SEPTIN2: variants seen among roughly 807,000 people sequenced by gnomAD.
The protein encoded by SEPTIN2 is septin-2.
In SEPTIN2, 34 loss-of-function variants were observed where a neutral mutation model predicts 46.5. That is an observed-to-expected ratio of 0.73 (90% CI 0.56 to 0.97). The LOEUF is 0.97. Among genes scored for constraint, SEPTIN2 ranks in the 50% least tolerant of loss-of-function variants. The probability of loss-of-function intolerance (pLI) is 0.00; values close to 1 mark genes in which losing one functional copy is unlikely to be tolerated. For missense variants in SEPTIN2, 347 were observed against 448.4 expected, an observed-to-expected ratio of 0.77 and a Z score of 2.04; for synonymous variants, 175 against 153.4, an observed-to-expected ratio of 1.14 and a Z score of -1.04.
chr2:241,318,788 C>T (rs1324482822), intron 1 of SEPTIN2, among the ~76,000 whole-genome samples: 3 of 151,638 alleles, frequency 2.0e-5, no homozygotes, highest in Non-Finnish European at 2.9e-5. Context: ...GCACCCTCCA[C>T]CTCCCGGGTT....
At chr2:241,324,368 AAG>A in intron 2 of SEPTIN2, 127 bp downstream of exon 2, 1 of 782,978 alleles carries the variant, frequency 1.3e-6, no homozygotes. Context: ...CATTAACACA[AAG>A]AGTTCTAATT....
intron 3 of SEPTIN2, among the ~76,000 whole-genome samples, chr2:241,328,993 C>T (rs2078499692): frequency 6.6e-6 from 1 of 151,984 alleles, no homozygotes; most frequent in Non-Finnish European, 1.5e-5. Flanking sequence ...GCACTCCAGC[C>T]TGGGCAACAA....
rs1258811903 is a variant in SEPTIN2 at position 241,353,880 on chromosome 2, A to T, written c.*1943A>T. 6.5e-6 allele frequency: 1 copy of T among 153,048 alleles called. No individual in the cohort carries two copies. The highest frequency in any genetic ancestry group is 1.9e-4 in the East Asian group (1 of 5,190). 9.5% of individuals were successfully genotyped at this position (153,048 alleles called of 1,614,324 possible). ...GGTTTTACTACCCAAATCTAAATAG[A>T]TACTTTTGATAATAGATAACTGCTC... On this transcript the variant is annotated 3_prime_UTR_variant, in exon 13 of 13. Coordinates refer to ENST00000391971, the MANE Select transcript of SEPTIN2 (RefSeq NM_004404.5).
chr2:241,334,356 T>G (rs2079548907), intron 3 of SEPTIN2, among the ~76,000 whole-genome samples: 1 of 152,232 alleles, frequency 6.6e-6, no homozygotes, highest in Non-Finnish European at 1.5e-5. Flanking sequence ...TTGTGCTTCC[T>G]TCAAATGTAA....
At chr2:241,320,550 T>C (rs904824773) in intron 1 of SEPTIN2, among the ~76,000 whole-genome samples, 1 of 152,190 alleles carries the variant, frequency 6.6e-6, no homozygotes, top group Non-Finnish European at 1.5e-5. Flanking sequence ...TCCCAGCACT[T>C]TGGGAAACCA....
intron 1 of SEPTIN2, among the ~76,000 whole-genome samples, chr2:241,319,203 A>C (rs1454383551): frequency 6.6e-6 from 1 of 152,256 alleles, no homozygotes; most frequent in Non-Finnish European, 1.5e-5. Flanking sequence ...ATTTGATTGC[A>C]TTAAAGAACT....
At chr2:241,351,055 G>C (rs1311881153) in intron 12 of SEPTIN2, among the ~76,000 whole-genome samples, 3 of 152,222 alleles carry the variant, frequency 2.0e-5, no homozygotes, top group African/African-American at 7.2e-5. Context: ...ATCTGAGGAT[G>C]AAACGCTGGG....
chr2:241,335,829 G>A, intron 4 of SEPTIN2, 146 bp from the exon 5 acceptor site: 1 of 979,932 alleles, frequency 1.0e-6, no homozygotes, highest in Non-Finnish European at 1.6e-6. Context: ...ACTTCTCTGG[G>A]ATCTTTTTTT....
chr2:241,318,444 G>A (rs4303713), intron 1 of SEPTIN2: 79,801 of 152,022 alleles, frequency 0.52, 21,819 homozygotes, highest in East Asian at 0.78. Context: ...AAGCCACACC[G>A]TTAGGGATTC....
chr2:241,345,438 A>G (rs1431291959), intron 9 of SEPTIN2, among the ~76,000 whole-genome samples: 1 of 100,100 alleles, frequency 1.0e-5, no homozygotes, highest in African/African-American at 3.2e-5. Flanking sequence ...GGGTTTGGGG[A>G]CTTTACTTTA....
At chr2:241,322,148 G>C (rs1290865371) in intron 1 of SEPTIN2, among the ~76,000 whole-genome samples, 1 of 152,144 alleles carries the variant, frequency 6.6e-6, no homozygotes. Context: ...ATTTGGGGGA[G>C]GGGAATCGAG....
In SEPTIN2 at chr2:241,338,644, T is replaced by C. The variant is rs903620301; in HGVS notation, c.594+854T>C. Among the ~76,000 whole-genome samples the C allele has an allele frequency of 1.2e-4, 15 of 129,802 alleles. No homozygotes were observed. In the Admixed American group the frequency reaches 1.2e-3, roughly 11 times the overall value. 85.2% of individuals were successfully genotyped at this position (129,802 alleles called of 152,430 possible). On this transcript the variant is annotated intron_variant, in intron 7 of 12. Transcript: ENST00000391971. ...ATATAATTAATAAATATATATAATA[T>C]ATATTACATATATATTATATCTATA...
At chr2:241,351,100 C>T (rs1339826970) in intron 12 of SEPTIN2, among the ~76,000 whole-genome samples, 1 of 151,996 alleles carries the variant, frequency 6.6e-6, no homozygotes, top group African/African-American at 2.4e-5. Flanking sequence ...AATTCAGGGA[C>T]CTCATTCTGG....
chr2:241,338,848 T>A (rs1348361406), intron 7 of SEPTIN2, among the ~76,000 whole-genome samples: 3 of 97,988 alleles, frequency 3.1e-5, no homozygotes, highest in African/African-American at 9.6e-5. Context: ...AATAAATATA[T>A]AATATATATA....
intron 10 of SEPTIN2, among the ~76,000 whole-genome samples, chr2:241,347,059 G>A (rs1309435975): frequency 1.3e-5 from 2 of 152,050 alleles, no homozygotes; most frequent in Non-Finnish European, 2.9e-5. Context: ...GTTTGAGACC[G>A]GCCCTGGCAA....
At chr2:241,348,040 C>T (rs1242980824) in intron 10 of SEPTIN2, 94 bp from the exon 11 acceptor site, 7 of 906,636 alleles carry the variant, frequency 7.7e-6, no homozygotes, top group East Asian at 5.4e-5. Flanking sequence ...ATGATAAATA[C>T]ATGTCATTTT....
At chr2:241,329,380 G>A (rs2078593713) in intron 3 of SEPTIN2, among the ~76,000 whole-genome samples, 2 of 151,952 alleles carry the variant, frequency 1.3e-5, no homozygotes, top group African/African-American at 4.8e-5. Flanking sequence ...CGCCCGCCTC[G>A]GCCTCTCAAA....
intron 3 of SEPTIN2, among the ~76,000 whole-genome samples, chr2:241,327,144 G>GA (rs892241447): frequency 7.1e-6 from 1 of 141,588 alleles, no homozygotes; most frequent in African/African-American, 2.6e-5. Flanking sequence ...TGGCATCAAA[G>GA]AAACAAAAAC....
chr2:241,325,468 C>G (rs548839001), intron 2 of SEPTIN2, among the ~76,000 whole-genome samples: 86 of 152,266 alleles, frequency 5.6e-4, no homozygotes, highest in Admixed American at 1.1e-3. Context: ...CTTGATGAAA[C>G]TCTGTTCTAT....
Sources: gnomAD v4.1 joint callset for allele counts (sites outside exome capture counted in the v4.1 genomes callset) on GRCh38, gnomAD v4.1.1 for gene constraint, MANE v1.5 for transcripts, NCBI Gene and HGNC (gene_info 2026-07-23, HGNC 2026-07-21) for gene names.